Variants in CD320 observed in about 807,000 individuals in gnomAD.
CD320 encodes CD320 molecule, also known as CD320 antigen.
A neutral mutation model predicts 22.1 loss-of-function variants in CD320; 16 were observed. The ratio of observed to expected loss-of-function variants is 0.73; its 90% CI spans 0.49 to 1.10. CD320 has a LOEUF of 1.10. Among genes scored for constraint, CD320 ranks in the 50% least tolerant of loss-of-function variants. The pLI is 0.00. For synonymous variants in CD320, 188 were observed against 167.8 expected, an observed-to-expected ratio of 1.12 and a Z score of -0.93; for missense variants, 388 against 376.9, an observed-to-expected ratio of 1.03 and a Z score of -0.24.
In CD320 at chr19:8,302,278, A is replaced by G. The variant is rs1970018410; in HGVS notation, c.*185T>C. On this transcript the variant is annotated 3_prime_UTR_variant, in exon 5 of 5. Transcript: ENST00000301458. The stretch of plus-strand genomic sequence containing the variant: ...CCATCCTAGCTCCCCGGATCTCCAT[A>G]GGGAGTGTCCAGGGACCCTCAATCT... 1 of 764,210 alleles carries G rather than the reference A, an allele frequency of 1.3e-6. No individual in the cohort carries two copies. Among genetic ancestry groups the G allele is most frequent in the South Asian group, 1.4e-5 (1 of 69,670 alleles). The allele number at this position is 764,210 out of a possible 1,614,324, so 47.3% of individuals were successfully genotyped here.
At chr19:8,303,826 G>C (rs769132238) in intron 3 of CD320, 29 bp downstream of exon 3, 1 of 1,482,108 alleles carries the variant, frequency 6.7e-7, no homozygotes, top group Non-Finnish European at 9.2e-7. Flanking sequence ...ATCTACCCAC[G>C]AGTCCACCCC....
At position 8,302,380 on chromosome 19, in the gene CD320, G is replaced by A. The variant is rs199841056; in HGVS notation, c.*83C>T. On this transcript the variant is annotated 3_prime_UTR_variant, in exon 5 of 5. Coordinates refer to ENST00000301458, the MANE Select transcript of CD320 (RefSeq NM_016579.4). The stretch of plus-strand genomic sequence containing the variant: ...AGCTCAGGTCTCTGAGGGCTGGTGT[G>A]CCCGGGTACCCATCCGCATCACTGC... The A allele has an allele frequency of 1.2e-5, 19 of 1,551,714 alleles. No individual in the cohort carries two copies. Among genetic ancestry groups the A allele is most frequent in the Admixed American group, 5.0e-5 (3 of 59,926 alleles).
intron 2 of CD320, chr19:8,304,676 T>C (rs1260564938): frequency 8.2e-6 from 2 of 244,160 alleles, no homozygotes; most frequent in South Asian, 4.5e-5. Flanking sequence ...TTCTTTCCTT[T>C]CTTTCATTTT....
intron 1 of CD320, 42 bp downstream of exon 1, chr19:8,308,107 C>A: frequency 7.0e-7 from 1 of 1,436,720 alleles, no homozygotes; most frequent in Non-Finnish European, 9.0e-7. Context: ...CGGGGCGAAG[C>A]CTCGCGAGGG....
At chr19:8,305,179 G>C (rs747749617) in intron 1 of CD320, 23 bp from the exon 2 acceptor site, 3 of 1,575,724 alleles carry the variant, frequency 1.9e-6, no homozygotes, top group Non-Finnish European at 2.6e-6. Flanking sequence ...TGCAAATGAA[G>C]CCTGGGAAGC....
At chr19:8,306,436 C>T (rs780054495) in intron 1 of CD320, among the ~76,000 whole-genome samples, 20 of 152,292 alleles carry the variant, frequency 1.3e-4, no homozygotes, top group Admixed American at 8.5e-4. Flanking sequence ...AGCTGCTTGC[C>T]GACCTGGAGG....
rs750768529 is a variant in CD320 at position 8,308,216 on chromosome 19, G to GAGC, written c.72_74dup (p.Leu25dup). The GAGC allele has an allele frequency of 1.2e-5, 19 of 1,575,198 alleles. No individual in the cohort carries two copies. Among genetic ancestry groups the GAGC allele is most frequent in the African/African-American group, 4.0e-5 (3 of 74,092 alleles). On this transcript the variant is annotated inframe_insertion, in exon 1 of 5. Coordinates refer to ENST00000301458, the MANE Select transcript of CD320 (RefSeq NM_016579.4). ...CGGCCTCCAGGCCTAGTCCGAGGCC[G>GAGC]AGCAGCAGCAGCAGCGCCAGGCCCA... is the stretch of plus-strand genomic sequence containing the variant.
At chr19:8,307,568 C>T (rs1455042823) in intron 1 of CD320, among the ~76,000 whole-genome samples, 1 of 152,128 alleles carries the variant, frequency 6.6e-6, no homozygotes, top group Non-Finnish European at 1.5e-5. Flanking sequence ...GCCACCAATA[C>T]CTCTTAGGCC....
At chr19:8,303,742 G>A (rs746298050) in intron 3 of CD320, 113 bp downstream of exon 3, 3 of 737,986 alleles carry the variant, frequency 4.1e-6, no homozygotes, top group Non-Finnish European at 7.1e-6. Flanking sequence ...TCCCCCACAG[G>A]GATGCAGGCA....
intron 4 of CD320, 75 bp from the exon 5 acceptor site, chr19:8,302,680 A>C: frequency 6.2e-7 from 1 of 1,603,608 alleles, no homozygotes; most frequent in Non-Finnish European, 8.5e-7. Context: ...CTCCATACAC[A>C]TGGGGATGGG....
At position 8,305,036 on chromosome 19, in the gene CD320, T is replaced by C. The variant is rs532709437; in HGVS notation, c.263A>G (p.Glu88Gly). Residue 88 changes from glutamate (E) to glycine (G), a missense_variant, in exon 2 of 5, where the codon GAG becomes GGG. Coordinates refer to ENST00000301458, the MANE Select transcript of CD320 (RefSeq NM_016579.4). The stretch of plus-strand genomic sequence containing the variant: ...CAAGGGGCGTGGCCACTCACTGCAC[T>C]CCTCCTCATCGCTGCCATCGCTGCA... ...LDCSDGSDEEECRIEPCTQKG... is the reference protein window; with the variant it reads ...LDCSDGSDEEGCRIEPCTQKG... 43 of 1,573,278 alleles carry C rather than the reference T, an allele frequency of 2.7e-5. No individual in the cohort carries two copies. The East Asian group carries it at 3.0e-4, about 11-fold the overall frequency.
Position 8,305,037 on chromosome 19 carries a change from C to T in CD320, c.262G>A (p.Glu88Lys), listed in dbSNP as rs546081310. Residue 88 changes from glutamate (E) to lysine (K), a missense_variant, in exon 2 of 5, where the codon GAG (glutamate) becomes AAG (lysine). Transcript: ENST00000301458. The part of the protein sequence containing the change: ...LDCSDGSDEE[E>K]CRIEPCTQKG... ...AAGGGGCGTGGCCACTCACTGCACT[C>T]CTCCTCATCGCTGCCATCGCTGCAG... 3.8e-6 allele frequency: 6 copies of T among 1,573,436 alleles called. No homozygotes were observed. The highest frequency in any genetic ancestry group is 4.3e-6 in the Non-Finnish European group (5 of 1,151,624).
chr19:8,305,252 G>A (rs1454342255), intron 1 of CD320, 96 bp from the exon 2 acceptor site: 17 of 1,448,032 alleles, frequency 1.2e-5, no homozygotes, highest in African/African-American at 4.2e-5. Flanking sequence ...GGAGACAGGC[G>A]AAGTCCCGGG....
In CD320 at chr19:8,305,047, G is replaced by A. The variant is rs1970068255; in HGVS notation, c.252C>T (p.Ser84=). 1 of 1,609,130 alleles carries A rather than the reference G, an allele frequency of 6.2e-7. No homozygotes were observed. The highest frequency in any genetic ancestry group is 1.7e-4 in the Middle Eastern group (1 of 5,846). Residue 84 remains serine (S), a synonymous_variant, in exon 2 of 5, where the codon AGC becomes AGT. Transcript: ENST00000301458. The part of the protein sequence containing the change: ...CDRDLDCSDG[S]DEEECRIEPC... ...GCCACTCACTGCACTCCTCCTCATCGCTGCCATCGCTGCAGTCCAAGTCCC... is the reference window on the plus strand; with the variant it reads ...GCCACTCACTGCACTCCTCCTCATCACTGCCATCGCTGCAGTCCAAGTCCC...
chr19:8,307,507 C>A (rs1322616448), intron 1 of CD320, among the ~76,000 whole-genome samples: 4 of 152,136 alleles, frequency 2.6e-5, no homozygotes, highest in African/African-American at 9.7e-5. Context: ...GAGGCCACTC[C>A]AACCCTCCAG....
Position 8,305,140 on chromosome 19 carries a change from C to A in CD320, c.159G>T (p.Ser53=). The stretch of plus-strand genomic sequence containing the variant: ...GGCACTGGAACTTGGTGGGTGGGCA[C>A]GAGCCTGAGCTGGGGCCTGCGAGAT... The part of the protein sequence containing the change: ...SAQAAGPSSG[S]CPPTKFQCRT... Residue 53 remains serine (S), a synonymous_variant, in exon 2 of 5, where the codon TCG becomes TCT. Coordinates refer to ENST00000301458, the MANE Select transcript of CD320 (RefSeq NM_016579.4). 1 of 1,608,756 alleles carries A rather than the reference C, an allele frequency of 6.2e-7. No homozygotes were observed. The highest frequency in any genetic ancestry group is 8.5e-7 in the Non-Finnish European group (1 of 1,177,842).
chr19:8,303,126 T>G, intron 3 of CD320, 146 bp from the exon 4 acceptor site: 1 of 693,020 alleles, frequency 1.4e-6, no homozygotes, highest in African/African-American at 1.8e-5. Flanking sequence ...TTTTTTTTTT[T>G]TTTTTTTGGA....
intron 3 of CD320, among the ~76,000 whole-genome samples, chr19:8,303,199 C>T (rs1477215167): frequency 2.6e-5 from 4 of 151,286 alleles, no homozygotes; most frequent in Non-Finnish European, 5.9e-5. Flanking sequence ...TCAGTGAAAC[C>T]TCTGCCTCCT....
intron 3 of CD320, among the ~76,000 whole-genome samples, chr19:8,303,332 G>A (rs916130993): frequency 1.3e-5 from 2 of 151,798 alleles, no homozygotes; most frequent in African/African-American, 4.8e-5. Flanking sequence ...GGCCAGACTG[G>A]TCTCGAACAC....
Sources: gnomAD v4.1 joint callset for allele counts (sites outside exome capture counted in the v4.1 genomes callset) on GRCh38, gnomAD v4.1.1 for gene constraint, MANE v1.5 for transcripts, NCBI Gene and HGNC (gene_info 2026-07-23, HGNC 2026-07-21) for gene names.